Variants in SLC9A2 observed in about 807,000 individuals in gnomAD.
SLC9A2 encodes the protein solute carrier family 9 member A2, also known as sodium/hydrogen exchanger 2.
Under a neutral mutation model 71.7 loss-of-function variants are expected in SLC9A2, and 42 were observed. The observed-to-expected ratio is 0.59, with a 90% CI of 0.46 to 0.76. The LOEUF is 0.76. Ranked by LOEUF, SLC9A2 falls within the 30% of genes least tolerant of loss-of-function variation. SLC9A2 has a pLI of 0.00. For missense variants in SLC9A2, 829 were observed against 1,017.4 expected, an observed-to-expected ratio of 0.81 and a Z score of 2.52; for synonymous variants, 396 against 392.5, an observed-to-expected ratio of 1.01 and a Z score of -0.10.
intron 7 of SLC9A2, among the ~76,000 whole-genome samples, chr2:102,695,800 T>TA (rs1491352314): frequency 0.13 from 11,439 of 90,994 alleles, 1,324 homozygotes; most frequent in Middle Eastern, 0.24. Flanking sequence ...TATATATATA[T>TA]TATATATATA....
At position 102,675,106 on chromosome 2, in the gene SLC9A2, T is replaced by G. The variant is rs369868945; in HGVS notation, c.1005-8155T>G. 1.1e-4 allele frequency among the ~76,000 whole-genome samples: 16 copies of G among 152,204 alleles called. No individual in the cohort carries two copies. In the East Asian group the frequency reaches 2.5e-3, roughly 24 times the overall value. ...TGTTGCCAGAAGAAGGCAGCGAACT[T>G]AAACTAACTTTGAGTGAGACGACCA... On this transcript the variant is annotated intron_variant, in intron 3 of 11. Transcript: ENST00000233969.
chr2:102,684,017 T>G (rs1367030611), intron 4 of SLC9A2, 117 bp from the exon 5 acceptor site: 1 of 712,632 alleles, frequency 1.4e-6, no homozygotes, highest in African/African-American at 1.8e-5. Flanking sequence ...GGGAAAGACT[T>G]TGGGGCCTAT....
intron 1 of SLC9A2, among the ~76,000 whole-genome samples, chr2:102,657,118 A>G (rs1676956631): frequency 6.6e-6 from 1 of 151,944 alleles, no homozygotes; most frequent in African/African-American, 2.4e-5. Context: ...GGCAGGGAGA[A>G]TTGCTTGAAC....
intron 11 of SLC9A2, 47 bp from the exon 12 acceptor site, chr2:102,708,072 C>T (rs1678016693): frequency 6.4e-7 from 1 of 1,568,586 alleles, no homozygotes; most frequent in Non-Finnish European, 8.6e-7. Flanking sequence ...ACTTGCAATG[C>T]CTTCTCTCTA....
chr2:102,695,799 A>ACC (rs1677751697), intron 7 of SLC9A2, among the ~76,000 whole-genome samples: 1 of 77,072 alleles, frequency 1.3e-5, no homozygotes, highest in Admixed American at 1.6e-4. Context: ...TTATATATAT[A>ACC]TTATATATAT....
rs1312567645 is a variant in SLC9A2 at position 102,686,602 on chromosome 2, G to A, written c.1425+2266G>A. 4 of 152,310 alleles carry A rather than the reference G, an allele frequency of 2.6e-5. 1 individual carries two copies. The East Asian group carries it at 7.7e-4, about 29-fold the overall frequency. 9.4% of individuals were successfully genotyped at this position (152,310 alleles called of 1,614,324 possible). ...CAGAAATGGTGATGACTTGCCCTTGGGAAGTAGTGGCAGAGCTGAGAAAAA... is the reference window on the plus strand; with the variant it reads ...CAGAAATGGTGATGACTTGCCCTTGAGAAGTAGTGGCAGAGCTGAGAAAAA... On this transcript the variant is annotated intron_variant, in intron 5 of 11. Coordinates refer to ENST00000233969, the MANE Select transcript of SLC9A2 (RefSeq NM_003048.6).
intron 3 of SLC9A2, among the ~76,000 whole-genome samples, chr2:102,671,888 T>C (rs1677258994): frequency 6.6e-6 from 1 of 152,096 alleles, no homozygotes; most frequent in Non-Finnish European, 1.5e-5. Flanking sequence ...GGTGGATAAC[T>C]TGAGGTCAGG....
chr2:102,699,790 C>T (rs749600316), intron 7 of SLC9A2, among the ~76,000 whole-genome samples: 10 of 152,060 alleles, frequency 6.6e-5, no homozygotes, highest in African/African-American at 1.7e-4. Flanking sequence ...CTGAGGGCCA[C>T]GAGGGAAGGT....
intron 1 of SLC9A2, among the ~76,000 whole-genome samples, chr2:102,641,124 C>T (rs1488872040): frequency 6.6e-6 from 1 of 152,110 alleles, no homozygotes; most frequent in African/African-American, 2.4e-5. Context: ...AAAACTTGCG[C>T]CAGCCCTGTG....
intron 3 of SLC9A2, among the ~76,000 whole-genome samples, chr2:102,671,668 C>T (rs1407904475): frequency 6.6e-6 from 1 of 152,130 alleles, no homozygotes; most frequent in African/African-American, 2.4e-5. Flanking sequence ...TAGATGGACC[C>T]CAGCATTTGC....
chr2:102,620,047 C>T lies in SLC9A2; in HGVS notation c.199C>T (p.Arg67Trp), dbSNP rs1676105466. ...APGTTLFEESRLPVFTLDYPH... is the reference protein window; with the variant it reads ...APGTTLFEESWLPVFTLDYPH... ...CGGAACGACGCTGTTCGAGGAGAGC[C>T]GGCTGCCTGTGTTTACGCTGGATTA... Residue 67 changes from arginine to tryptophan, a missense_variant, in exon 1 of 12, where the codon CGG becomes TGG. This residue lies in a region of SLC9A2 where 106 missense variants were observed against 93.5 expected (regional missense o/e 1.13). Transcript: ENST00000233969. The T allele has an allele frequency of 6.2e-7, 1 of 1,614,068 alleles. No homozygotes were observed. Among genetic ancestry groups the T allele is most frequent in the African/African-American group, 1.3e-5 (1 of 75,046 alleles).
At chr2:102,631,285 G>T (rs913504402) in intron 1 of SLC9A2, among the ~76,000 whole-genome samples, 2 of 151,632 alleles carry the variant, frequency 1.3e-5, no homozygotes, top group Non-Finnish European at 2.9e-5. Flanking sequence ...TTGGCTAAAA[G>T]CATCTTTTCT....
chr2:102,633,655 G>A (rs1295279307), intron 1 of SLC9A2, among the ~76,000 whole-genome samples: 1 of 152,126 alleles, frequency 6.6e-6, no homozygotes, highest in Non-Finnish European at 1.5e-5. Flanking sequence ...AAAAGGTAAG[G>A]TAGCGGAACT....
chr2:102,639,848 C>A (rs971414278), intron 1 of SLC9A2, among the ~76,000 whole-genome samples: 2 of 151,508 alleles, frequency 1.3e-5, no homozygotes, highest in African/African-American at 2.5e-5. Context: ...TAAGGAGGAA[C>A]AATATAGCTC....
chr2:102,655,744 C>G (rs1247978793), intron 1 of SLC9A2, among the ~76,000 whole-genome samples: 1 of 152,174 alleles, frequency 6.6e-6, no homozygotes. Context: ...TGCTATATAA[C>G]AGAAGACCAC....
chr2:102,683,167 G>C, intron 3 of SLC9A2, 94 bp from the exon 4 acceptor site: 3 of 815,382 alleles, frequency 3.7e-6, no homozygotes, highest in Non-Finnish European at 6.3e-6. Flanking sequence ...TTGGGCAGAA[G>C]AGTAGAGCCA....
In SLC9A2 at chr2:102,620,086, A is replaced by T. The variant is rs746125364; in HGVS notation, c.238A>T (p.Ile80Phe). The T allele has an allele frequency of 8.1e-6, 13 of 1,613,486 alleles. No homozygotes were observed. The highest frequency in any genetic ancestry group is 1.0e-5 in the Non-Finnish European group (12 of 1,179,802). The change falls in exon 1 of 12, where the codon ATC becomes TTC. Residue 80 changes from isoleucine to phenylalanine, a missense_variant. Physicochemically the swap from Ile to Phe is conservative, Grantham distance 21. Around this residue, in one of 3 missense-constraint regions of SLC9A2, gnomAD observed 500 missense variants for 726.3 expected, o/e 0.69. Coordinates refer to ENST00000233969, the MANE Select transcript of SLC9A2 (RefSeq NM_003048.6). ...VFTLDYPHVQ[I>F]PFEITLWILL... is the part of the protein sequence containing the mutation. ...TACGCTGGATTACCCCCACGTGCAG[A>T]TCCCCTTCGAGATCACCCTTTGGAT...
intron 3 of SLC9A2, among the ~76,000 whole-genome samples, chr2:102,672,616 G>T (rs761344199): frequency 6.6e-6 from 1 of 152,112 alleles, no homozygotes; most frequent in South Asian, 2.1e-4. Flanking sequence ...GAAGTGGCTT[G>T]TGATAATTAA....
chr2:102,698,286 C>T (rs1486860159), intron 7 of SLC9A2, among the ~76,000 whole-genome samples: 1 of 152,116 alleles, frequency 6.6e-6, no homozygotes, highest in African/African-American at 2.4e-5. Flanking sequence ...TCAGAGCCCT[C>T]TAGTATTTAG....
Sources: gnomAD v4.1 joint callset for allele counts (sites outside exome capture counted in the v4.1 genomes callset) on GRCh38, gnomAD v4.1.1 for gene constraint, gnomAD v4.1.1 regional missense constraint, MANE v1.5 for transcripts, NCBI Gene and HGNC (gene_info 2026-07-23, HGNC 2026-07-21) for gene names.